Variants in TRIP13 observed in about 807,000 individuals in gnomAD.
TRIP13 encodes the protein pachytene checkpoint protein 2 homolog.
Under a neutral mutation model 54.4 loss-of-function variants are expected in TRIP13, and 25 were observed. The observed-to-expected ratio is 0.46, with a 90% CI of 0.33 to 0.64. TRIP13 has a LOEUF of 0.64. TRIP13 is among the 30% of genes least tolerant of loss of function. The pLI is 0.02. For missense variants in TRIP13, 373 were observed against 534.2 expected, an observed-to-expected ratio of 0.70 and a Z score of 2.97; for synonymous variants, 207 against 207.8, an observed-to-expected ratio of 1.00 and a Z score of 0.03.
At chr5:901,123 T>A (rs1391487925) in intron 4 of TRIP13, among the ~76,000 whole-genome samples, 2 of 152,254 alleles carry the variant, frequency 1.3e-5, no homozygotes, top group Non-Finnish European at 2.9e-5. Flanking sequence ...GCTCTTCTTA[T>A]ATTTATAATA....
In TRIP13 at chr5:908,698, C is replaced by G; in HGVS notation, c.866+237C>G. 3 of 1,272,410 alleles carry G rather than the reference C, an allele frequency of 2.4e-6. No homozygotes were observed. Among genetic ancestry groups the G allele is most frequent in the Non-Finnish European group, 3.0e-6 (3 of 995,222 alleles). 78.8% of individuals were successfully genotyped at this position (1,272,410 alleles called of 1,614,324 possible). ...AGAAGGCCAGGCGCGGTGGCTCACA[C>G]CTGTAATCCCAGCACTTTGGGAGGC... On this transcript the variant is annotated intron_variant, in intron 9 of 12. Coordinates refer to ENST00000166345, the MANE Select transcript of TRIP13 (RefSeq NM_004237.4). The surrounding 1 kb of genome is among the most constrained non-coding windows in gnomAD (Gnocchi z 5.2).
chr5:896,613 G>C (rs1314444545), intron 2 of TRIP13, 52 bp from the exon 3 acceptor site: 2 of 1,576,584 alleles, frequency 1.3e-6, no homozygotes, highest in East Asian at 2.3e-5. Flanking sequence ...TATGGTTGCA[G>C]TTAAGTGAGA....
chr5:914,624 T>C lies in TRIP13; in HGVS notation c.1133+47T>C, dbSNP rs1277614605. On this transcript the variant is annotated intron_variant, in intron 11 of 12. Transcript: ENST00000166345. ...GTAATCAAGAAGAATCCATTTGTGATATTAACTAGGGAGTCATTGTTTCCT... is the reference window on the plus strand; with the variant it reads ...GTAATCAAGAAGAATCCATTTGTGACATTAACTAGGGAGTCATTGTTTCCT... The C allele has an allele frequency of 4.7e-6, 7 of 1,480,924 alleles. No individual in the cohort carries two copies. In the African/African-American group the frequency reaches 6.9e-5, roughly 15 times the overall value. The allele number at this position is 1,480,924 out of a possible 1,614,324, so 91.7% of individuals were successfully genotyped here. A position where few individuals can be genotyped will look rare whatever the true frequency, so the allele number is the denominator to read the frequency against.
At chr5:901,911 CCGCGCG>C (rs969952136) in intron 5 of TRIP13, among the ~76,000 whole-genome samples, 9 of 152,362 alleles carry the variant, frequency 5.9e-5, no homozygotes, top group African/African-American at 1.7e-4. Flanking sequence ...GCTTGAGCCA[CCGCGCG>C]CGGCCCCTGG....
rs913544438 is a variant in TRIP13, at chr5:912,318, C to T, written c.1020+322C>T. Among the ~76,000 whole-genome samples the T allele has an allele frequency of 2.6e-5, 4 of 151,436 alleles. No homozygotes were observed. The highest frequency in any genetic ancestry group is 2.1e-4 in the South Asian group (1 of 4,756). ...ACAAACCTTAGTTCTCAGCTTACCC[C>T]GGGCTTTTCCAATGCCCTGCCTCTC... On this transcript the variant is annotated intron_variant, in intron 10 of 12. Transcript: ENST00000166345. The surrounding 1 kb of genome is among the most constrained non-coding windows in gnomAD (Gnocchi z 7.2).
At chr5:901,915 GCGCGGCCC>G (rs1477520177) in intron 5 of TRIP13, among the ~76,000 whole-genome samples, 1 of 152,176 alleles carries the variant, frequency 6.6e-6, no homozygotes, top group Non-Finnish European at 1.5e-5. Flanking sequence ...GAGCCACCGC[GCGCGGCCC>G]CTGGGGCATT....
At chr5:901,278 CA>C (rs1455432013) in intron 4 of TRIP13, 62 bp from the exon 5 acceptor site, 3 of 1,515,184 alleles carry the variant, frequency 2.0e-6, no homozygotes, top group Non-Finnish European at 1.8e-6. Flanking sequence ...GGGGAGGGCA[CA>C]TTTCTTGGGG....
rs776519002 is a variant in TRIP13 at position 912,040 on chromosome 5, A to G, written c.1020+44A>G. ...TCCTCTTGATACAAATGGATTTCTT[A>G]TATGTTCTTAATTAATTAAGATAGC... On this transcript the variant is annotated intron_variant, in intron 10 of 12. Coordinates refer to ENST00000166345, the MANE Select transcript of TRIP13 (RefSeq NM_004237.4). The surrounding 1 kb of genome is among the most constrained non-coding windows in gnomAD (Gnocchi z 7.2). The G allele has an allele frequency of 1.7e-5, 27 of 1,584,980 alleles. No individual in the cohort carries two copies. In the Admixed American group the frequency reaches 2.6e-4, roughly 15 times the overall value.
intron 2 of TRIP13, among the ~76,000 whole-genome samples, chr5:896,068 C>T (rs1247522615): frequency 1.3e-5 from 2 of 152,190 alleles, no homozygotes; most frequent in Non-Finnish European, 2.9e-5. Flanking sequence ...AGTCCCAGCA[C>T]TGTGGGAGAA....
chr5:896,601 T>C (rs1753920263), intron 2 of TRIP13, 64 bp from the exon 3 acceptor site: 3 of 1,547,040 alleles, frequency 1.9e-6, no homozygotes, highest in African/African-American at 2.7e-5. Context: ...ACATCTAATT[T>C]GTATGGTTGC....
Position 908,696 on chromosome 5 carries a change from C to A in TRIP13, c.866+235C>A, listed in dbSNP as rs544825622. 1.6e-5 allele frequency: 21 copies of A among 1,277,748 alleles called. No individual in the cohort carries two copies. In the African/African-American group the frequency reaches 3.2e-4, roughly 19 times the overall value. The allele number at this position is 1,277,748 out of a possible 1,614,324, so 79.2% of individuals were successfully genotyped here. ...ATAGAAGGCCAGGCGCGGTGGCTCACACCTGTAATCCCAGCACTTTGGGAG... is the reference window on the plus strand; with the variant it reads ...ATAGAAGGCCAGGCGCGGTGGCTCAAACCTGTAATCCCAGCACTTTGGGAG... On this transcript the variant is annotated intron_variant, in intron 9 of 12. Transcript: ENST00000166345. The surrounding 1 kb of genome is among the most constrained non-coding windows in gnomAD (Gnocchi z 5.2).
rs943174864 is a variant in TRIP13, at chr5:912,344, G to A, written c.1020+348G>A. ...GGGCTTTTCCAATGCCCTGCCTCTC[G>A]GGGGCCTGTATCCTTACCTGAAAGA... On this transcript the variant is annotated intron_variant, in intron 10 of 12. Coordinates refer to ENST00000166345, the MANE Select transcript of TRIP13 (RefSeq NM_004237.4). This position sits in a 1 kb window ranked among gnomAD's most constrained non-coding sequence, Gnocchi z 7.2. 3.3e-5 allele frequency among the ~76,000 whole-genome samples: 5 copies of A among 152,030 alleles called. No individual in the cohort carries two copies. Among genetic ancestry groups the A allele is most frequent in the East Asian group, 1.9e-4 (1 of 5,196 alleles).
In TRIP13 at chr5:913,165, C is replaced by T. The variant is rs1754275949; in HGVS notation, c.1020+1169C>T. On this transcript the variant is annotated intron_variant, in intron 10 of 12. Coordinates refer to ENST00000166345, the MANE Select transcript of TRIP13 (RefSeq NM_004237.4). This position sits in a 1 kb window ranked among gnomAD's most constrained non-coding sequence, Gnocchi z 4.5. ...ACAGCAGTTTTGCTGCCAAGGAGCC[C>T]CACGTGATAGCAGATCCTGCGAGGA... 6.6e-6 allele frequency among the ~76,000 whole-genome samples: 1 copy of T among 152,166 alleles called. No homozygotes were observed. Among genetic ancestry groups the T allele is most frequent in the Admixed American group, 6.5e-5 (1 of 15,288 alleles).
intron 6 of TRIP13, among the ~76,000 whole-genome samples, chr5:906,714 G>A (rs1183889964): frequency 6.6e-6 from 1 of 152,136 alleles, no homozygotes; most frequent in Non-Finnish European, 1.5e-5. Context: ...TTAACTTTGG[G>A]CCACCTGAGC....
chr5:913,811 G>A lies in TRIP13; in HGVS notation c.1021-654G>A, dbSNP rs1754288030. Among the ~76,000 whole-genome samples the A allele has an allele frequency of 1.3e-5, 2 of 152,146 alleles. No homozygotes were observed. Among genetic ancestry groups the A allele is most frequent in the Non-Finnish European group, 2.9e-5 (2 of 68,036 alleles). On this transcript the variant is annotated intron_variant, in intron 10 of 12. Transcript: ENST00000166345. This position sits in a 1 kb window ranked among gnomAD's most constrained non-coding sequence, Gnocchi z 4.5. Reference sequence around the variant, plus strand: ...ACACCCCTCAACAAACCTCCAAAATGTTCAGACAATGCTATTTTCTTCCTT... The same window carrying A: ...ACACCCCTCAACAAACCTCCAAAATATTCAGACAATGCTATTTTCTTCCTT...
intron 5 of TRIP13, among the ~76,000 whole-genome samples, chr5:902,984 G>T (rs1754027119): frequency 6.6e-6 from 1 of 152,238 alleles, no homozygotes; most frequent in Admixed American, 6.5e-5. Flanking sequence ...GGCAGAGCCA[G>T]GTGTACAGGA....
At chr5:895,096 T>A in intron 2 of TRIP13, 144 bp downstream of exon 2, 3 of 864,734 alleles carry the variant, frequency 3.5e-6, no homozygotes, top group Non-Finnish European at 5.2e-6. Context: ...TTCTTTTCAC[T>A]AGCTGTCAGG....
At chr5:916,056 G>A in intron 12 of TRIP13, 83 bp downstream of exon 12, 1 of 1,367,948 alleles carries the variant, frequency 7.3e-7, no homozygotes, top group South Asian at 1.2e-5. Flanking sequence ...TAGCCCTGGG[G>A]TATCAGCCTC....
intron 1 of TRIP13, among the ~76,000 whole-genome samples, chr5:893,487 G>C (rs765897705): frequency 3.2e-4 from 49 of 152,242 alleles, no homozygotes; most frequent in Non-Finnish European, 5.7e-4. Flanking sequence ...GCCGAAAGCT[G>C]GGTGGTTATT....
Sources: allele counts gnomAD v4.1 joint callset (sites outside exome capture counted in the v4.1 genomes callset), GRCh38; gene constraint gnomAD v4.1.1; non-coding constraint Gnocchi (gnomAD v3.1); transcripts MANE v1.5; gene names NCBI Gene and HGNC (gene_info 2026-07-23, HGNC 2026-07-21).